Variants in PCDH9 observed in about 807,000 individuals in gnomAD.
PCDH9 encodes protocadherin 9, also known as protocadherin-9.
Under a neutral mutation model 70.6 loss-of-function variants are expected in PCDH9, and 24 were observed. The ratio of observed to expected loss-of-function variants is 0.34; its 90% CI spans 0.25 to 0.48. The LOEUF (loss-of-function observed/expected upper bound fraction) is 0.48, where lower values mean the gene tolerates loss of function less well. Among genes scored for constraint, PCDH9 ranks in the 20% least tolerant of loss-of-function variants. The pLI is 0.99. For synonymous variants in PCDH9, 562 were observed against 558.5 expected, an observed-to-expected ratio of 1.01 and a Z score of -0.09; for missense variants, 1,281 against 1,503.6, an observed-to-expected ratio of 0.85 and a Z score of 2.45.
chr13:66,888,535 C>T lies in PCDH9; in HGVS notation c.3138+14969G>A, dbSNP rs945255529. 2.0e-5 allele frequency among the ~76,000 whole-genome samples: 3 copies of T among 149,296 alleles called. No individual in the cohort carries two copies. In the Admixed American group the frequency reaches 2.0e-4, roughly 10 times the overall value. On this transcript the variant is annotated intron_variant, in intron 3 of 4. Coordinates refer to ENST00000377865, the MANE Select transcript of PCDH9 (RefSeq NM_203487.3). Reference sequence around the variant, plus strand: ...TAAAAAAATAAAAAATAAATATCAGCCTGTCCCCAAAAAAAATAAATAAAA... The same window carrying T: ...TAAAAAAATAAAAAATAAATATCAGTCTGTCCCCAAAAAAAATAAATAAAA...
At chr13:66,494,638 T>C (rs1167121983) in intron 4 of PCDH9, among the ~76,000 whole-genome samples, 2 of 152,134 alleles carry the variant, frequency 1.3e-5, no homozygotes, top group African/African-American at 2.4e-5. Flanking sequence ...CCAGAAACTC[T>C]GGGGTACACA....
intron 2 of PCDH9, among the ~76,000 whole-genome samples, chr13:66,974,037 G>A (rs2083571657): frequency 6.6e-6 from 1 of 151,922 alleles, no homozygotes; most frequent in African/African-American, 2.4e-5. Flanking sequence ...TGTGATAAAG[G>A]ATCCACTATG....
chr13:66,411,891 G>A (rs1957376699), intron 4 of PCDH9, among the ~76,000 whole-genome samples: 1 of 152,110 alleles, frequency 6.6e-6, no homozygotes, highest in South Asian at 2.1e-4. Context: ...CACTAGAATG[G>A]GGGGCTGCTC....
At chr13:67,170,836 A>T (rs1329272105) in intron 2 of PCDH9, among the ~76,000 whole-genome samples, 3 of 152,144 alleles carry the variant, frequency 2.0e-5, no homozygotes, top group Admixed American at 2.0e-4. Context: ...GAGGCACAAG[A>T]ATCACTTGAA....
At chr13:66,674,594 G>A (rs920010959) in intron 3 of PCDH9, among the ~76,000 whole-genome samples, 4 of 151,864 alleles carry the variant, frequency 2.6e-5, no homozygotes, top group African/African-American at 7.3e-5. Context: ...ATTGAAATAA[G>A]AACTTTTCAC....
intron 3 of PCDH9, among the ~76,000 whole-genome samples, chr13:66,717,276 C>T (rs11840271): frequency 3.1e-4 from 47 of 150,366 alleles, no homozygotes; most frequent in African/African-American, 9.3e-4. Context: ...GCCAAAATGG[C>T]GAAACTCTGT....
At chr13:66,920,221 AT>A (rs934934083) in intron 2 of PCDH9, among the ~76,000 whole-genome samples, 1 of 151,126 alleles carries the variant, frequency 6.6e-6, no homozygotes, top group Non-Finnish European at 1.5e-5. Flanking sequence ...GATTAGACAG[AT>A]TTTTCCTATG....
chr13:66,334,191 A>C (rs1184333173), intron 4 of PCDH9, among the ~76,000 whole-genome samples: 2 of 151,446 alleles, frequency 1.3e-5, no homozygotes, highest in East Asian at 1.9e-4. Flanking sequence ...TCATCCCTCC[A>C]CCCCACTACC....
intron 4 of PCDH9, among the ~76,000 whole-genome samples, chr13:66,543,548 C>T (rs1961055750): frequency 6.7e-6 from 1 of 149,340 alleles, no homozygotes; most frequent in South Asian, 2.1e-4. Context: ...GCCTGGGAGA[C>T]AGAGTGAGAC....
chr13:66,932,430 A>C (rs963679547), intron 2 of PCDH9, among the ~76,000 whole-genome samples: 3 of 152,094 alleles, frequency 2.0e-5, no homozygotes, highest in Non-Finnish European at 4.4e-5. Context: ...CCATCAAATC[A>C]GATGAATATT....
intron 2 of PCDH9, among the ~76,000 whole-genome samples, chr13:67,098,539 T>C (rs1248372921): frequency 6.6e-6 from 1 of 152,170 alleles, no homozygotes; most frequent in Non-Finnish European, 1.5e-5. Flanking sequence ...GTTCTTTAGC[T>C]AAATCCTGTT....
intron 3 of PCDH9, among the ~76,000 whole-genome samples, chr13:66,752,969 G>A (rs1291774744): frequency 6.6e-6 from 1 of 152,160 alleles, no homozygotes; most frequent in African/African-American, 2.4e-5. Context: ...CTCAAAAGGA[G>A]TTCTCAAGTA....
chr13:66,654,023 C>T (rs1593843662), intron 3 of PCDH9, among the ~76,000 whole-genome samples: 2 of 149,952 alleles, frequency 1.3e-5, no homozygotes, highest in South Asian at 2.1e-4. Flanking sequence ...GACATCTGCA[C>T]TCCCATGTTT....
At chr13:66,487,662 A>G (rs910297770) in intron 4 of PCDH9, among the ~76,000 whole-genome samples, 2 of 152,200 alleles carry the variant, frequency 1.3e-5, no homozygotes, top group African/African-American at 4.8e-5. Context: ...TAATCAAAAT[A>G]TTCTATCCCT....
chr13:66,532,043 A>G (rs1183061771), intron 4 of PCDH9, among the ~76,000 whole-genome samples: 4 of 152,104 alleles, frequency 2.6e-5, no homozygotes, highest in Non-Finnish European at 5.9e-5. Flanking sequence ...CTGGAATGCA[A>G]TGGCACAAGC....
intron 4 of PCDH9, among the ~76,000 whole-genome samples, chr13:66,623,146 G>T (rs1202664206): frequency 6.6e-6 from 1 of 152,228 alleles, no homozygotes; most frequent in Non-Finnish European, 1.5e-5. Flanking sequence ...GCGAGGGTCC[G>T]CGGCTTCATT....
chr13:66,744,623 AG>A (rs2079330100), intron 3 of PCDH9, among the ~76,000 whole-genome samples: 1 of 152,132 alleles, frequency 6.6e-6, no homozygotes. Context: ...TGCTAATAAT[AG>A]GATATAATAT....
intron 3 of PCDH9, among the ~76,000 whole-genome samples, chr13:66,647,434 A>T (rs2077787039): frequency 6.6e-6 from 1 of 152,110 alleles, no homozygotes; most frequent in East Asian, 1.9e-4. Flanking sequence ...ACATTTCTAG[A>T]TACTCCCTGG....
chr13:66,457,494 A>G (rs1048539939), intron 4 of PCDH9, among the ~76,000 whole-genome samples: 3 of 152,054 alleles, frequency 2.0e-5, no homozygotes, highest in Non-Finnish European at 2.9e-5. Context: ...TTCATCAAAA[A>G]AGGAATACCT....
Sources: allele counts gnomAD v4.1 joint callset (sites outside exome capture counted in the v4.1 genomes callset), GRCh38; gene constraint gnomAD v4.1.1; transcripts MANE v1.5; gene names NCBI Gene and HGNC (gene_info 2026-07-23, HGNC 2026-07-21).